The following WDR62 variants were observed in gnomAD, a reference collection of about 807,000 sequenced individuals.
WDR62 encodes the protein WD repeat domain 62.
In WDR62, 112 loss-of-function variants were observed where a neutral mutation model predicts 160.6. That is an observed-to-expected ratio of 0.70 (90% CI 0.60 to 0.82). The LOEUF is 0.82. WDR62 is among the 40% of genes least tolerant of loss of function. The probability of loss-of-function intolerance (pLI) is 0.00; values close to 1 mark genes in which losing one functional copy is unlikely to be tolerated. For synonymous variants in WDR62, 792 were observed against 815.1 expected (o/e 0.97, Z 0.48); for missense variants, 1,819 against 1,983.8 (o/e 0.92, Z 1.58).
chr19:36,101,237 A>T lies in WDR62; in HGVS notation c.2891A>T (p.Glu964Val), dbSNP rs201177074. 7 of 1,613,076 alleles carry T rather than the reference A, an allele frequency of 4.3e-6. No homozygotes were observed. The Admixed American group carries it at 1.2e-4, about 27-fold the overall frequency. The change falls in exon 24 of 32, where the codon GAG (glutamate) becomes GTG (valine). Residue 964 changes from glutamate (E) to valine (V), a missense_variant. Transcript: ENST00000401500. ...TDSQYCRKEVEAGPGDQQGDS... is the reference protein window; with the variant it reads ...TDSQYCRKEVVAGPGDQQGDS... The stretch of plus-strand genomic sequence containing the variant: ...AGCCAGTATTGCAGGAAGGAGGTGG[A>T]GGCCGGGCCTGGAGACCAGCAGGGC...
chr19:36,069,746 CG>C (rs1326652571), intron 7 of WDR62, among the ~76,000 whole-genome samples: 1 of 152,252 alleles, frequency 6.6e-6, no homozygotes, highest in East Asian at 1.9e-4. Context: ...CCCGGCACCT[CG>C]GGAGGCCGAG....
intron 20 of WDR62, among the ~76,000 whole-genome samples, chr19:36,095,404 AGTT>A (rs139687196): frequency 0.011 from 1,614 of 152,312 alleles, 29 homozygotes; most frequent in African/African-American, 0.037. Context: ...CTTCTGAGCC[AGTT>A]GTTGTAGCTG....
rs199953421 is a variant in WDR62 at position 36,076,597 on chromosome 19, G to GT, written c.1233+3075dup. On this transcript the variant is annotated intron_variant, in intron 9 of 31. Coordinates refer to ENST00000401500, the MANE Select transcript of WDR62 (RefSeq NM_001083961.2). ...GAAAAAAGAGAAAGAGAAGGCCAGGGTTTTTTTTTAGTACAAATTGGGACT... is the reference window on the plus strand; with the variant it reads ...GAAAAAAGAGAAAGAGAAGGCCAGGGTTTTTTTTTTAGTACAAATTGGGACT... 4.7e-3 allele frequency among the ~76,000 whole-genome samples: 714 copies of GT among 150,718 alleles called. 1 individual carries two copies. The highest frequency in any genetic ancestry group is 7.1e-3 in the Non-Finnish European group (481 of 67,584).
chr19:36,102,820 C>T lies in WDR62; in HGVS notation c.3304C>T (p.Gln1102Ter), dbSNP rs376633424. 16 of 1,614,124 alleles carry T rather than the reference C, an allele frequency of 9.9e-6. No individual in the cohort carries two copies. In the African/African-American group the frequency reaches 2.1e-4, roughly 22 times the overall value. ...CAACCCACGCCTGAGTATCTCCACG[C>T]AGTTCCTCTCAAGCCTCCAGAAGGC... is the stretch of plus-strand genomic sequence containing the variant. ...FFNPRLSIST[Q>*]FLSSLQKASR... Residue 1102 changes from glutamine (Q) to a stop codon, truncating the protein, a stop_gained, in exon 27 of 32, where the codon CAG becomes TAG. Transcript: ENST00000401500. LOFTEE classifies it high-confidence loss of function.
intron 5 of WDR62, 77 bp downstream of exon 5, chr19:36,066,504 C>T: frequency 6.7e-7 from 1 of 1,500,792 alleles, no homozygotes; most frequent in Non-Finnish European, 9.0e-7. Flanking sequence ...GGGAGAGCTA[C>T]ATGAGAGGAC....
Position 36,094,113 on chromosome 19 carries a change from T to C in WDR62, c.2416T>C (p.Cys806Arg), listed in dbSNP as rs1036444757. 1.2e-6 allele frequency: 2 copies of C among 1,613,740 alleles called. No homozygotes were observed. The highest frequency in any genetic ancestry group is 1.3e-5 in the African/African-American group (1 of 74,800). ...EQTEDDLEEE[C>R]EPEEMLKTPS... ...AACAGAGGATGATCTGGAGGAAGAG[T>C]GTGAGCCAGAAGAGATGCTGAAGAC... The change falls in exon 20 of 32, where the codon TGT becomes CGT. Residue 806 changes from cysteine (C) to arginine (R), a missense_variant. Cys to Arg is a radical substitution (Grantham distance 180). Around this residue, in one of 3 missense-constraint regions of WDR62, gnomAD observed 934 missense variants for 1,157.2 expected, o/e 0.81. Transcript: ENST00000401500.
chr19:36,059,089 C>T (rs1383366224), intron 2 of WDR62: 1 of 688,930 alleles, frequency 1.5e-6, no homozygotes, highest in Non-Finnish European at 2.7e-6. Flanking sequence ...TTTATTATGA[C>T]TACAGGGGGG....
chr19:36,093,209 A>G (rs1311188883), intron 19 of WDR62, among the ~76,000 whole-genome samples: 3 of 152,060 alleles, frequency 2.0e-5, no homozygotes, highest in Admixed American at 6.5e-5. Flanking sequence ...GGATGCCCCA[A>G]GCGGCTGTGG....
rs1472100176 is a variant in WDR62, at chr19:36,054,979, C to T, written c.8C>T (p.Ala3Val). 33 of 1,601,050 alleles carry T rather than the reference C, an allele frequency of 2.1e-5. No individual in the cohort carries two copies. The highest frequency in any genetic ancestry group is 3.3e-4 in the Middle Eastern group (2 of 6,016). MA[A>V]VGSGGYARND... ...CCCGCCTCCGGCGTGACGATGGCGGCCGTAGGGTCCGGAGGCTATGCGCGG... is the reference window on the plus strand; with the variant it reads ...CCCGCCTCCGGCGTGACGATGGCGGTCGTAGGGTCCGGAGGCTATGCGCGG... Residue 3 changes from alanine to valine, a missense_variant, in exon 1 of 32, where the codon GCC becomes GTC. This residue lies in a region of WDR62 where 115 missense variants were observed against 92.4 expected (regional missense o/e 1.24). Transcript: ENST00000401500.
At chr19:36,064,294 G>C (rs1970816588) in intron 3 of WDR62, among the ~76,000 whole-genome samples, 1 of 151,818 alleles carries the variant, frequency 6.6e-6, no homozygotes, top group Non-Finnish European at 1.5e-5. Context: ...CTCTCTTTTT[G>C]AGACAGAGTC....
chr19:36,097,064 G>A lies in WDR62; in HGVS notation c.2505G>A (p.Leu835=), dbSNP rs2145829506. The change falls in exon 21 of 32, where the codon CTG becomes CTA. Residue 835 remains leucine, a synonymous_variant. Transcript: ENST00000401500. Reference sequence around the variant, plus strand: ...TGCTAACCAACGGCAAGCTGCCACTGTGGGCAAAGCGGCTGGTAAGTCTTC... The same window carrying A: ...TGCTAACCAACGGCAAGCTGCCACTATGGGCAAAGCGGCTGGTAAGTCTTC... ...RCLLTNGKLP[L]WAKRLLGDDD... is the part of the protein sequence containing the mutation. 1 of 1,613,894 alleles carries A rather than the reference G, an allele frequency of 6.2e-7. No individual in the cohort carries two copies. Among genetic ancestry groups the A allele is most frequent in the East Asian group, 2.2e-5 (1 of 44,884 alleles).
rs575715300 is a variant in WDR62 at position 36,096,488 on chromosome 19, G to A, written c.2468-539G>A. Among the ~76,000 whole-genome samples the A allele has an allele frequency of 1.4e-4, 21 of 152,106 alleles. No homozygotes were observed. In the East Asian group the frequency reaches 3.9e-3, roughly 28 times the overall value. ...TGGGAGGCCGAGGCGAGCGGATCAC[G>A]AGTTCAGGAGATCGAGACCATCCTG... On this transcript the variant is annotated intron_variant, in intron 20 of 31. Transcript: ENST00000401500.
rs910489518 is a variant in WDR62 at position 36,100,801 on chromosome 19, G to A, written c.2793G>A (p.Gln931=). 6.2e-7 allele frequency: 1 copy of A among 1,614,250 alleles called. No homozygotes were observed. The highest frequency in any genetic ancestry group is 1.3e-5 in the African/African-American group (1 of 75,070). The change falls in exon 23 of 32, where the codon CAG becomes CAA. Residue 931 remains glutamine, a synonymous_variant. Coordinates refer to ENST00000401500, the MANE Select transcript of WDR62 (RefSeq NM_001083961.2). ...GGCACCCCTCCTTCCTGCCCCAGCA[G>A]AAGGAATCATCTGAGGCCAGTGAGC... ...GRGHPSFLPQ[Q]KESSEASELI... is the part of the protein sequence containing the mutation.
In WDR62 at chr19:36,104,587, C is replaced by T. The variant is rs768909004; in HGVS notation, c.4223C>T (p.Pro1408Leu). 13 of 1,613,746 alleles carry T rather than the reference C, an allele frequency of 8.1e-6. No individual in the cohort carries two copies. The highest frequency in any genetic ancestry group is 3.4e-6 in the Non-Finnish European group (4 of 1,179,978). The change falls in exon 31 of 32, where the codon CCC becomes CTC. Residue 1408 changes from proline to leucine, a missense_variant. By Grantham distance (98) the Pro-to-Leu change is moderately conservative. Around this residue, in one of 3 missense-constraint regions of WDR62, gnomAD observed 770 missense variants for 734.2 expected, o/e 1.05. Coordinates refer to ENST00000401500, the MANE Select transcript of WDR62 (RefSeq NM_001083961.2). Reference sequence around the variant, plus strand: ...CCCTGGGTGCCGGTTGAAGCCCTGCCCCCATCTCCCCTTGAGCTGAGCAGG... The same window carrying T: ...CCCTGGGTGCCGGTTGAAGCCCTGCTCCCATCTCCCCTTGAGCTGAGCAGG... ...SEPWVPVEAL[P>L]PSPLELSRVG...
chr19:36,098,653 A>G (rs1193974584), intron 21 of WDR62, among the ~76,000 whole-genome samples: 1 of 152,160 alleles, frequency 6.6e-6, no homozygotes, highest in Non-Finnish European at 1.5e-5. Context: ...GGGCATGAGT[A>G]ACTGGAAAAA....
Position 36,066,386 on chromosome 19 carries a change from G to A in WDR62, c.520G>A (p.Gly174Ser). Residue 174 changes from glycine to serine, a missense_variant, in exon 5 of 32, where the codon GGC becomes AGC. Around this residue, in one of 3 missense-constraint regions of WDR62, gnomAD observed 934 missense variants for 1,157.2 expected, o/e 0.81. Transcript: ENST00000401500. ...CAATATGAAGCACATCGTGTCCATG[G>A]GCTACCAACATGACATGGTGCTCAA... is the stretch of plus-strand genomic sequence containing the variant. ...SPNMKHIVSMGYQHDMVLNVW... is the reference protein window; with the variant it reads ...SPNMKHIVSMSYQHDMVLNVW... 1 of 1,612,202 alleles carries A rather than the reference G, an allele frequency of 6.2e-7. No individual in the cohort carries two copies. Among genetic ancestry groups the A allele is most frequent in the Non-Finnish European group, 8.5e-7 (1 of 1,179,140 alleles).
the WDR62 span, among the ~76,000 whole-genome samples, chr19:36,110,229 G>C: frequency 2.6e-5 from 4 of 152,072 alleles, no homozygotes; most frequent in African/African-American, 9.7e-5. Context: ...CCAGCACTTT[G>C]GGAGGCCAAG....
chr19:36,095,836 G>A (rs1972923702), intron 20 of WDR62, among the ~76,000 whole-genome samples: 1 of 152,234 alleles, frequency 6.6e-6, no homozygotes, highest in African/African-American at 2.4e-5. Context: ...ATTATGTTGC[G>A]GATATTGTCC....
In WDR62 at chr19:36,092,760, A is replaced by G. The variant is rs1351057077; in HGVS notation, c.2282A>G (p.His761Arg). ...AAGCAGCACTTGCTGGAGATTGACC[A>G]CCGGCAGCAGCAGCAGCACACAAAT... is the stretch of plus-strand genomic sequence containing the variant. Reference protein sequence around the residue: ...CMKQHLLEIDHRQQQQHTNDK... With the variant: ...CMKQHLLEIDRRQQQQHTNDK... Residue 761 changes from histidine to arginine, a missense_variant, in exon 19 of 32, where the codon CAC becomes CGC. Transcript: ENST00000401500. 1.9e-6 allele frequency: 3 copies of G among 1,614,150 alleles called. No homozygotes were observed. Among genetic ancestry groups the G allele is most frequent in the Non-Finnish European group, 2.5e-6 (3 of 1,180,006 alleles).
Sources: allele counts gnomAD v4.1 joint callset (sites outside exome capture counted in the v4.1 genomes callset), GRCh38; gene constraint gnomAD v4.1.1; regional missense constraint gnomAD v4.1.1; transcripts MANE v1.5; gene names NCBI Gene and HGNC (gene_info 2026-07-23, HGNC 2026-07-21).